Variants in ESRRG observed in about 807,000 individuals in gnomAD.
The protein encoded by ESRRG is estrogen-related receptor gamma.
ESRRG carries 13 observed loss-of-function variants against 44.0 expected under a neutral mutation model. The observed-to-expected ratio is 0.30, with a 90% CI of 0.19 to 0.47. ESRRG has a LOEUF of 0.47. Ranked by LOEUF, ESRRG falls within the 20% of genes least tolerant of loss-of-function variation. The pLI, the probability that ESRRG is intolerant of heterozygous loss-of-function variation, is 1.00. For synonymous variants in ESRRG, 215 were observed against 214.6 expected (o/e 1.00, Z -0.02); for missense variants, 395 against 580.6 (o/e 0.68, Z 3.29).
At chr1:217,124,328 T>C (rs1580636695) in intron 1 of ESRRG, among the ~76,000 whole-genome samples, 1 of 152,210 alleles carries the variant, frequency 6.6e-6, no homozygotes, top group South Asian at 2.1e-4. Context: ...TTTACTCAGG[T>C]GATGACTACC....
intron 2 of ESRRG, among the ~76,000 whole-genome samples, chr1:216,833,163 G>A (rs555206855): frequency 6.6e-6 from 1 of 152,100 alleles, no homozygotes; most frequent in East Asian, 1.9e-4. Flanking sequence ...CACAGTGTAA[G>A]TGCTCAAGAA....
chr1:216,735,130 A>G (rs2089631705), intron 2 of ESRRG, among the ~76,000 whole-genome samples: 1 of 151,768 alleles, frequency 6.6e-6, no homozygotes, highest in Non-Finnish European at 1.5e-5. Flanking sequence ...GCTGGTTTCC[A>G]ACTCCTCACC....
chr1:216,669,037 C>A (rs2074585222), intron 2 of ESRRG, among the ~76,000 whole-genome samples: 1 of 152,026 alleles, frequency 6.6e-6, no homozygotes, highest in Non-Finnish European at 1.5e-5. Context: ...CAGGTCAAAT[C>A]CAGGTCTGGG....
chr1:216,947,458 T>C (rs746192468), intron 1 of ESRRG, among the ~76,000 whole-genome samples: 4 of 152,218 alleles, frequency 2.6e-5, no homozygotes, highest in African/African-American at 4.8e-5. Context: ...TCAAAATGCA[T>C]GCTTACTTCC....
chr1:216,829,511 G>A (rs1409610257), intron 2 of ESRRG, among the ~76,000 whole-genome samples: 1 of 151,396 alleles, frequency 6.6e-6, no homozygotes, highest in Non-Finnish European at 1.5e-5. Context: ...GCAAAAGCTA[G>A]GACTTCAACC....
At chr1:216,595,475 T>C (rs1174231536) in intron 3 of ESRRG, among the ~76,000 whole-genome samples, 1 of 152,230 alleles carries the variant, frequency 6.6e-6, no homozygotes, top group African/African-American at 2.4e-5. Flanking sequence ...AAAAAGAACC[T>C]GGTTAAATTA....
At chr1:216,932,246 T>C (rs1201741723) in intron 2 of ESRRG, among the ~76,000 whole-genome samples, 1 of 151,968 alleles carries the variant, frequency 6.6e-6, no homozygotes, top group East Asian at 1.9e-4. Context: ...GAATCATTTT[T>C]AGAACACATT....
At chr1:216,511,073 A>G (rs1004833873) in intron 6 of ESRRG, among the ~76,000 whole-genome samples, 7 of 152,126 alleles carry the variant, frequency 4.6e-5, no homozygotes, top group African/African-American at 1.7e-4. Context: ...CCTAGTATAT[A>G]ACATAAACCA....
intron 3 of ESRRG, among the ~76,000 whole-genome samples, chr1:216,572,827 C>A (rs1471063167): frequency 6.6e-6 from 1 of 151,948 alleles, no homozygotes; most frequent in African/African-American, 2.4e-5. Flanking sequence ...TTAAAATATT[C>A]TAAGTCAAAA....
At position 216,912,177 on chromosome 1, in the gene ESRRG, A is replaced by AG. The variant is rs1560082793; in HGVS notation, c.-14+27404_-14+27405insC. Among the ~76,000 whole-genome samples, 29 of 22,196 alleles carry AG rather than the reference A, an allele frequency of 1.3e-3. 3 individuals are homozygous for AG. Among genetic ancestry groups the AG allele is most frequent in the Non-Finnish European group, 8.3e-4 (11 of 13,198 alleles). The allele number at this position is 22,196 out of a possible 152,430, so 14.6% of individuals were successfully genotyped here. On this transcript the variant is annotated intron_variant, in intron 2 of 7. Transcript: ENST00000359162. Reference sequence around the variant, plus strand: ...AAAGAAAAGAAAAGAAAAGAAAAGAAAAGAAAAGGAGAGGAGAGGAGAGGA... The same window carrying AG: ...AAAGAAAAGAAAAGAAAAGAAAAGAAGAAGAAAAGGAGAGGAGAGGAGAGGA...
chr1:216,900,613 T>G (rs2058963303), intron 2 of ESRRG, among the ~76,000 whole-genome samples: 1 of 152,160 alleles, frequency 6.6e-6, no homozygotes, highest in Non-Finnish European at 1.5e-5. Flanking sequence ...TACCTCAAAC[T>G]TTTATATGAA....
At position 216,885,602 on chromosome 1, in the gene ESRRG, G is replaced by A. The variant is rs1202465561; in HGVS notation, c.-14+53980C>T. On this transcript the variant is annotated intron_variant, in intron 2 of 7. Transcript: ENST00000359162. ...TATTGAATGTTGATGCAATCTTAAAGGTTTTTTTTTTAATGATTTCCATCT... is the reference window on the plus strand; with the variant it reads ...TATTGAATGTTGATGCAATCTTAAAAGTTTTTTTTTTAATGATTTCCATCT... 1.3e-5 allele frequency among the ~76,000 whole-genome samples: 2 copies of A among 151,060 alleles called. 1 individual carries two copies. The highest frequency in any genetic ancestry group is 4.2e-4 in the South Asian group (2 of 4,740).
chr1:217,046,401 G>T (rs1201551998), intron 1 of ESRRG, among the ~76,000 whole-genome samples: 1 of 152,154 alleles, frequency 6.6e-6, no homozygotes, highest in East Asian at 1.9e-4. Flanking sequence ...TTAGTTTACT[G>T]ACTCTTTAGC....
chr1:216,793,865 C>T (rs1223969713), intron 2 of ESRRG, among the ~76,000 whole-genome samples: 1 of 151,926 alleles, frequency 6.6e-6, no homozygotes, highest in East Asian at 1.9e-4. Flanking sequence ...GATCCAATAA[C>T]CATTTTCTGA....
intron 1 of ESRRG, among the ~76,000 whole-genome samples, chr1:217,071,009 C>G (rs746869169): frequency 3.9e-5 from 6 of 152,158 alleles, no homozygotes; most frequent in Non-Finnish European, 8.8e-5. Context: ...CTTTCCTTCT[C>G]TCCACTTTCT....
chr1:216,879,970 T>C (rs1444338336), intron 2 of ESRRG, among the ~76,000 whole-genome samples: 1 of 152,124 alleles, frequency 6.6e-6, no homozygotes, highest in African/African-American at 2.4e-5. Flanking sequence ...TGACAAGGTG[T>C]GTATTTATTT....
chr1:216,928,274 C>T (rs949909556), intron 2 of ESRRG, among the ~76,000 whole-genome samples: 26 of 152,124 alleles, frequency 1.7e-4, no homozygotes, highest in African/African-American at 6.3e-4. Flanking sequence ...TCCCTTTTAG[C>T]CTCCACTTTT....
At chr1:216,953,861 TTA>T (rs998290892) in intron 1 of ESRRG, among the ~76,000 whole-genome samples, 8 of 152,058 alleles carry the variant, frequency 5.3e-5, no homozygotes, top group South Asian at 2.1e-4. Flanking sequence ...ACAGATATAA[TTA>T]TAACTATTAA....
intron 2 of ESRRG, among the ~76,000 whole-genome samples, chr1:216,657,292 GTTAT>G (rs2070874562): frequency 6.6e-6 from 1 of 152,128 alleles, no homozygotes; most frequent in Admixed American, 6.5e-5. Context: ...AGTTAAGGGA[GTTAT>G]TTGTTTTTCA....
Sources: allele counts gnomAD v4.1 joint callset (sites outside exome capture counted in the v4.1 genomes callset), GRCh38; gene constraint gnomAD v4.1.1; transcripts MANE v1.5; gene names NCBI Gene and HGNC (gene_info 2026-07-23, HGNC 2026-07-21).